The following MYOCOS variants were observed in gnomAD, a reference collection of about 807,000 sequenced individuals.
MYOCOS encodes the protein myocilin opposite strand protein.
chr1:171,618,667 C>T (rs1410172234), upstream of MYOCOS, among the ~76,000 whole-genome samples: 2 of 152,218 alleles, frequency 1.3e-5, no homozygotes, highest in Non-Finnish European at 2.9e-5. Context: ...CCTCCGCCTC[C>T]TGGGTTCAAG....
chr1:171,610,823 T>C (rs969364691), intron 1 of MYOCOS, among the ~76,000 whole-genome samples: 1 of 152,230 alleles, frequency 6.6e-6, no homozygotes, highest in Non-Finnish European at 1.5e-5. Flanking sequence ...TGAGATATTA[T>C]GCAGGATCCC....
chr1:171,605,086 T>C (rs1450948915), intron 1 of MYOCOS, among the ~76,000 whole-genome samples: 2 of 88,064 alleles, frequency 2.3e-5, no homozygotes, highest in Non-Finnish European at 4.3e-5. Flanking sequence ...AAAAACTAAA[T>C]TTTTTTTTTT....
upstream of MYOCOS, among the ~76,000 whole-genome samples, chr1:171,620,551 C>G (rs1306164061): frequency 2.0e-5 from 3 of 152,134 alleles, no homozygotes; most frequent in Non-Finnish European, 4.4e-5. Context: ...TCTATTGTCT[C>G]TAAGGGCAGC....
rs1264821564 is a variant in MYOCOS at position 171,623,117 on chromosome 1, T to C, written c.-43-724T>C. On this transcript the variant is annotated intron_variant, in intron 1 of 2. Transcript: ENST00000637642. Reference sequence around the variant, plus strand: ...GGTGGCATGCACCTGTAGTCTCAGCTACTTGGGAGGCTGAGACTGCAGTGA... The same window carrying C: ...GGTGGCATGCACCTGTAGTCTCAGCCACTTGGGAGGCTGAGACTGCAGTGA... 1.5e-4 allele frequency among the ~76,000 whole-genome samples: 23 copies of C among 151,996 alleles called. 1 individual carries two copies. The highest frequency in any genetic ancestry group is 1.5e-3 in the Admixed American group (23 of 15,248).
intron 1 of MYOCOS, among the ~76,000 whole-genome samples, chr1:171,610,233 G>T (rs1397886038): frequency 6.6e-6 from 1 of 152,176 alleles, no homozygotes; most frequent in African/African-American, 2.4e-5. Flanking sequence ...AGGGATCATT[G>T]AGTCTCATCT....
chr1:171,611,938 A>G (rs1652357825), intron 1 of MYOCOS, among the ~76,000 whole-genome samples: 1 of 152,240 alleles, frequency 6.6e-6, no homozygotes, highest in African/African-American at 2.4e-5. Flanking sequence ...CTTCTGTCTC[A>G]GCAATTACAA....
chr1:171,621,558 G>A (rs1458574244), upstream of MYOCOS, among the ~76,000 whole-genome samples: 4 of 151,864 alleles, frequency 2.6e-5, no homozygotes, highest in Non-Finnish European at 5.9e-5. Context: ...TGTATTTTTA[G>A]TAGAGACGGG....
intron 1 of MYOCOS, among the ~76,000 whole-genome samples, chr1:171,612,834 A>C (rs566794110): frequency 1.3e-5 from 2 of 152,342 alleles, no homozygotes; most frequent in Middle Eastern, 3.4e-3. Flanking sequence ...CCATCTCAAA[A>C]AAAACAAAAC....
chr1:171,616,198 CAA>C (rs1652447701), intron 2 of MYOCOS, among the ~76,000 whole-genome samples: 1 of 151,734 alleles, frequency 6.6e-6, no homozygotes, highest in South Asian at 2.1e-4. Flanking sequence ...GCCTGGGTGA[CAA>C]GAGCGAAACT....
At chr1:171,602,004 T>TA (rs1362564378) in intron 1 of MYOCOS, among the ~76,000 whole-genome samples, 1 of 151,718 alleles carries the variant, frequency 6.6e-6, no homozygotes, top group African/African-American at 2.4e-5. Flanking sequence ...CTTGTAGCCT[T>TA]AGACAGTCTA....
intron 1 of MYOCOS, among the ~76,000 whole-genome samples, chr1:171,604,663 A>G (rs1225842319): frequency 6.6e-6 from 1 of 152,228 alleles, no homozygotes; most frequent in African/African-American, 2.4e-5. Flanking sequence ...CTGTGCCACT[A>G]TTAATAATAA....
chr1:171,621,003 C>T (rs1464481737), upstream of MYOCOS, among the ~76,000 whole-genome samples: 6 of 151,892 alleles, frequency 4.0e-5, no homozygotes, highest in Non-Finnish European at 8.8e-5. Context: ...CTCCTGACCT[C>T]GTGATCTGCC....
At chr1:171,616,278 G>A (rs989262092) in intron 2 of MYOCOS, among the ~76,000 whole-genome samples, 8 of 151,912 alleles carry the variant, frequency 5.3e-5, no homozygotes, top group East Asian at 3.9e-4. Flanking sequence ...AGTGGCTCAC[G>A]CCTGTAATCT....
At chr1:171,601,038 A>G (rs572647350) in exon 1 of MYOCOS, 1 of 152,370 alleles carries the variant, frequency 6.6e-6, no homozygotes, top group South Asian at 2.1e-4. Context: ...CCTGCAGGGG[A>G]CTCCAGCCAG....
intron 1 of MYOCOS, among the ~76,000 whole-genome samples, chr1:171,602,985 C>G (rs1347866980): frequency 2.0e-5 from 3 of 152,176 alleles, no homozygotes; most frequent in African/African-American, 4.8e-5. Context: ...CCAGAGGCCC[C>G]GATTGTCCCC....
At chr1:171,624,917 G>GGTA (rs1178681921) in intron 2 of MYOCOS, among the ~76,000 whole-genome samples, 1 of 151,744 alleles carries the variant, frequency 6.6e-6, no homozygotes, top group South Asian at 2.1e-4. Context: ...CTCTTTGTCG[G>GGTA]GTATGTTATG....
chr1:171,605,407 AC>A (rs1243452324), intron 1 of MYOCOS, among the ~76,000 whole-genome samples: 2 of 151,786 alleles, frequency 1.3e-5, no homozygotes, highest in South Asian at 2.1e-4. Flanking sequence ...AAAAAAAAAA[AC>A]AGTTACATGA....
upstream of MYOCOS, among the ~76,000 whole-genome samples, chr1:171,619,252 T>C (rs1652511023): frequency 6.6e-6 from 1 of 152,206 alleles, no homozygotes; most frequent in African/African-American, 2.4e-5. Flanking sequence ...TTATCATCAA[T>C]GTAAAGAAAT....
At chr1:171,605,708 G>A (rs1050519234) in intron 1 of MYOCOS, among the ~76,000 whole-genome samples, 30 of 151,780 alleles carry the variant, frequency 2.0e-4, no homozygotes, top group Admixed American at 3.9e-4. Context: ...AAAAGATGAC[G>A]AATGACCTCC....
Sources: allele counts gnomAD v4.1 joint callset (sites outside exome capture counted in the v4.1 genomes callset), GRCh38; gene constraint gnomAD v4.1.1; transcripts MANE v1.5; gene names NCBI Gene and HGNC (gene_info 2026-07-23, HGNC 2026-07-21).